ULK2: variants seen among roughly 807,000 people sequenced by gnomAD.
ULK2 encodes unc-51 like autophagy activating kinase 2.
A neutral mutation model predicts 127.5 loss-of-function variants in ULK2; 76 were observed. That is an observed-to-expected ratio of 0.60 (90% CI 0.50 to 0.72). ULK2 has a LOEUF of 0.72. ULK2 is among the 30% of genes least tolerant of loss of function. ULK2 has a pLI of 0.00. For synonymous variants in ULK2, 452 were observed against 461.9 expected, an observed-to-expected ratio of 0.98 and a Z score of 0.28; for missense variants, 1,144 against 1,295.9, an observed-to-expected ratio of 0.88 and a Z score of 1.80.
At chr17:19,867,205 A>G (rs2042370615) in intron 1 of ULK2, 123 bp downstream of exon 1, 1 of 689,726 alleles carries the variant, frequency 1.4e-6, no homozygotes, top group African/African-American at 1.9e-5. Context: ...GGCTGCGCGC[A>G]CAATAGCATA....
At chr17:19,859,864 A>G (rs2042206158) in intron 3 of ULK2, among the ~76,000 whole-genome samples, 1 of 152,088 alleles carries the variant, frequency 6.6e-6, no homozygotes, top group Non-Finnish European at 1.5e-5. Flanking sequence ...TTTTGTAGAA[A>G]CAGGGTCTCA....
Position 19,801,906 on chromosome 17 carries a change from T to G in ULK2, c.1312A>C (p.Arg438=), listed in dbSNP as rs756276812. The part of the protein sequence containing the change: ...HGSPRSAVVR[R]SNTSPMGFLR... ...AAGCCCATGGGGCTGGTGTTGGACC[T>G]TCGTACCACTGCAGATCTGAAAAGT... Residue 438 remains arginine (R), a synonymous_variant, in exon 16 of 27, where the codon AGG becomes CGG. Transcript: ENST00000395544. 6.2e-7 allele frequency: 1 copy of G among 1,608,602 alleles called. No individual in the cohort carries two copies. The highest frequency in any genetic ancestry group is 2.2e-5 in the East Asian group (1 of 44,844).
rs281340 is a variant in ULK2 at position 19,867,910 on chromosome 17, G to A, written c.-493C>T. 8,370 of 151,284 alleles carry A rather than the reference G, an allele frequency of 0.055. 393 individuals are homozygous for A. The highest frequency in any genetic ancestry group is 0.24 in the East Asian group (1,219 of 5,116). The allele number at this position is 151,284 out of a possible 1,614,324, so 9.4% of individuals were successfully genotyped here. On this transcript the variant is annotated 5_prime_UTR_variant, in exon 1 of 27. Transcript: ENST00000395544. ...CCTCGCGGCGGCGCCCAACGCCCTCGCGCGCGCTACCCGCTCCCGCGCGAC... is the reference window on the plus strand; with the variant it reads ...CCTCGCGGCGGCGCCCAACGCCCTCACGCGCGCTACCCGCTCCCGCGCGAC...
rs1270254691 is a variant in ULK2 at position 19,771,427 on chromosome 17, G to C, written c.*4922C>G. On this transcript the variant is annotated 3_prime_UTR_variant, in exon 27 of 27. Transcript: ENST00000395544. ...AGAAAGCAACTTCTATGCAAGAACT[G>C]TGTCCTTTCAGAAGCTCCAGCCAGA... 6.6e-6 allele frequency: 1 copy of C among 152,256 alleles called. No homozygotes were observed. Among genetic ancestry groups the C allele is most frequent in the African/African-American group, 2.4e-5 (1 of 41,470 alleles). The allele number at this position is 152,256 out of a possible 1,614,324, so 9.4% of individuals were successfully genotyped here. A position where few individuals can be genotyped will look rare whatever the true frequency, so the allele number is the denominator to read the frequency against.
chr17:19,792,700 C>T (rs965429660), intron 20 of ULK2, among the ~76,000 whole-genome samples: 22 of 151,842 alleles, frequency 1.4e-4, no homozygotes, highest in Non-Finnish European at 4.4e-5. Flanking sequence ...CTAGCCTGGG[C>T]GACAGAGCGA....
chr17:19,785,915 T>C (rs754772388), intron 21 of ULK2, 22 bp downstream of exon 21: 45 of 1,594,636 alleles, frequency 2.8e-5, no homozygotes, highest in Non-Finnish European at 3.8e-5. Context: ...CCAAAGACTG[T>C]AATATAACAA....
At chr17:19,800,996 C>T (rs1278502137) in intron 16 of ULK2, among the ~76,000 whole-genome samples, 2 of 152,126 alleles carry the variant, frequency 1.3e-5, no homozygotes, top group Non-Finnish European at 2.9e-5. Context: ...TATTGGCATT[C>T]TCCTTATTAC....
At chr17:19,825,215 T>G in intron 11 of ULK2, 33 bp from the exon 12 acceptor site, 2 of 1,582,848 alleles carry the variant, frequency 1.3e-6, no homozygotes, top group Non-Finnish European at 1.7e-6. Context: ...ACTACATCAT[T>G]TTGTAGTGCA....
In ULK2 at chr17:19,780,649, G is replaced by C; in HGVS notation, c.2759-20C>G. 1 of 1,586,942 alleles carries C rather than the reference G, an allele frequency of 6.3e-7. No individual in the cohort carries two copies. Among genetic ancestry groups the C allele is most frequent in the Non-Finnish European group, 8.6e-7 (1 of 1,165,924 alleles). ...TGACAACTGAAAAAAAATTGAGATGGGAACTAATTTTAATTTTCCTCCAGA... is the reference window on the plus strand; with the variant it reads ...TGACAACTGAAAAAAAATTGAGATGCGAACTAATTTTAATTTTCCTCCAGA... On this transcript the variant is annotated intron_variant, in intron 24 of 26. Transcript: ENST00000395544.
chr17:19,804,055 A>G (rs1193265358), intron 15 of ULK2, among the ~76,000 whole-genome samples: 2 of 152,038 alleles, frequency 1.3e-5, no homozygotes, highest in Non-Finnish European at 2.9e-5. Context: ...CCAGAAATTT[A>G]CTGAACTCTC....
rs1393297408 is a variant in ULK2, at chr17:19,848,570, A to G, written c.295+799T>C. On this transcript the variant is annotated intron_variant, in intron 5 of 26. Coordinates refer to ENST00000395544, the MANE Select transcript of ULK2 (RefSeq NM_014683.4). ...GAGGCGGGCCGATCACGAGGTCAGG[A>G]GTTCGAGACCAGCCTGATCAACATG... Among the ~76,000 whole-genome samples, 3 of 152,256 alleles carry G rather than the reference A, an allele frequency of 2.0e-5. No individual in the cohort carries two copies. The East Asian group carries it at 5.8e-4, about 29-fold the overall frequency.
intron 12 of ULK2, among the ~76,000 whole-genome samples, chr17:19,823,032 C>T (rs2041198394): frequency 6.7e-6 from 1 of 150,256 alleles, no homozygotes; most frequent in African/African-American, 2.5e-5. Flanking sequence ...TACTATGTTG[C>T]CCAGTCTGGC....
intron 21 of ULK2, among the ~76,000 whole-genome samples, chr17:19,785,358 C>T (rs1341664798): frequency 6.6e-6 from 1 of 151,842 alleles, no homozygotes; most frequent in Non-Finnish European, 1.5e-5. Context: ...ATTACAGGTA[C>T]CTGCCACCAC....
rs779321990 is a variant in ULK2 at position 19,783,773 on chromosome 17, T to G, written c.2384A>C (p.Tyr795Ser). 1 of 1,602,616 alleles carries G rather than the reference T, an allele frequency of 6.2e-7. No individual in the cohort carries two copies. Among genetic ancestry groups the G allele is most frequent in the Non-Finnish European group, 8.5e-7 (1 of 1,174,314 alleles). Residue 795 changes from tyrosine to serine, a missense_variant, in exon 22 of 27, where the codon TAC becomes TCC. By Grantham distance (144) the Tyr-to-Ser change is moderately radical (BLOSUM62 -2). Transcript: ENST00000395544. ...CTCTAGGCTGGGGGGTGAAGCACCGTAAGGCACGTATCTCAGGCTGGGAGC... is the reference window on the plus strand; with the variant it reads ...CTCTAGGCTGGGGGGTGAAGCACCGGAAGGCACGTATCTCAGGCTGGGAGC... ...EAAPSLRYVPYGASPPSLEGL... is the reference protein window; with the variant it reads ...EAAPSLRYVPSGASPPSLEGL...
At chr17:19,862,466 A>C (rs1332663782) in intron 3 of ULK2, among the ~76,000 whole-genome samples, 1 of 150,514 alleles carries the variant, frequency 6.6e-6, no homozygotes, top group Non-Finnish European at 1.5e-5. Context: ...GAAAAATGAC[A>C]ATTTTTTTTT....
At chr17:19,851,970 C>G (rs1214891069) in intron 3 of ULK2, among the ~76,000 whole-genome samples, 1 of 144,264 alleles carries the variant, frequency 6.9e-6, no homozygotes, top group South Asian at 2.2e-4. Context: ...CGCTTGAACC[C>G]GGGAGACAGA....
chr17:19,805,567 T>G (rs1288248557), intron 14 of ULK2, among the ~76,000 whole-genome samples: 1 of 152,206 alleles, frequency 6.6e-6, no homozygotes, highest in Non-Finnish European at 1.5e-5. Flanking sequence ...AGCCTTTATG[T>G]CTTACTAAAA....
intron 3 of ULK2, among the ~76,000 whole-genome samples, chr17:19,859,755 CTG>C (rs1567730777): frequency 6.6e-6 from 1 of 152,358 alleles, no homozygotes; most frequent in East Asian, 1.9e-4. Flanking sequence ...TCACAGCTCA[CTG>C]TAACTTCAAG....
At chr17:19,835,455 G>A (rs1180016094) in intron 10 of ULK2, among the ~76,000 whole-genome samples, 5 of 149,934 alleles carry the variant, frequency 3.3e-5, no homozygotes, top group East Asian at 4.1e-4. Flanking sequence ...GGTGGCTCAC[G>A]CCTGTAATCC....
Sources: allele counts gnomAD v4.1 joint callset (sites outside exome capture counted in the v4.1 genomes callset), GRCh38; gene constraint gnomAD v4.1.1; transcripts MANE v1.5; gene names NCBI Gene and HGNC (gene_info 2026-07-23, HGNC 2026-07-21).